Variants in SAMD5 observed in about 807,000 individuals in gnomAD.
SAMD5 encodes the protein sterile alpha motif domain containing 5.
SAMD5 carries 13 observed loss-of-function variants against 11.3 expected under a neutral mutation model. The ratio of observed to expected loss-of-function variants is 1.15; its 90% CI spans 0.75 to 1.83. The LOEUF (loss-of-function observed/expected upper bound fraction) is 1.83, where lower values mean the gene tolerates loss of function less well. Ranked by LOEUF, SAMD5 falls within the 40% of genes most tolerant of loss-of-function variation. The pLI, the probability that SAMD5 is intolerant of heterozygous loss-of-function variation, is 0.00. For synonymous variants in SAMD5, 129 were observed against 111.3 expected (o/e 1.16, Z -1.00); for missense variants, 255 against 239.1 (o/e 1.07, Z -0.44).
the SAMD5 span, among the ~76,000 whole-genome samples, chr6:147,772,716 A>G: frequency 6.6e-6 from 1 of 152,130 alleles, no homozygotes; most frequent in Non-Finnish European, 1.5e-5. Flanking sequence ...CTCTTCTTAC[A>G]TGGACACTAG....
At chr6:147,698,010 A>G (rs1046762156) in intron 1 of SAMD5, among the ~76,000 whole-genome samples, 1 of 152,194 alleles carries the variant, frequency 6.6e-6, no homozygotes, top group Non-Finnish European at 1.5e-5. Context: ...ATCTCAGATC[A>G]TCAGGCATTA....
downstream of SAMD5, among the ~76,000 whole-genome samples, chr6:147,573,487 G>C (rs1044048714): frequency 6.6e-6 from 1 of 152,158 alleles, no homozygotes; most frequent in Non-Finnish European, 1.5e-5. Flanking sequence ...CACCTCCCAT[G>C]AGGTCCCTCC....
intron 1 of SAMD5, among the ~76,000 whole-genome samples, chr6:147,702,230 G>T (rs113648384): frequency 1.3e-5 from 2 of 152,030 alleles, no homozygotes; most frequent in Non-Finnish European, 2.9e-5. Flanking sequence ...GGAAAGACCC[G>T]CCCCCATGAT....
At chr6:147,604,019 G>A (rs377323913) in intron 1 of SAMD5, among the ~76,000 whole-genome samples, 7 of 152,104 alleles carry the variant, frequency 4.6e-5, no homozygotes, top group African/African-American at 1.4e-4. Context: ...CATAGTGGTT[G>A]GATTAAAAAT....
rs779221803 is a variant in SAMD5, at chr6:147,564,405, T to TGGCA, written c.472_475dup (p.Ile159ArgfsTer49). On this transcript the variant is annotated frameshift_variant, in exon 2 of 2. Coordinates refer to ENST00000367474, the MANE Select transcript of SAMD5 (RefSeq NM_001030060.3). LOFTEE classifies it high-confidence loss of function. ...GTTCAAATCCACAGGTCCCAATGGC[T>TGGCA]GGCATCCTAGAGTACTTAATGAATT... 15 of 780,764 alleles carry TGGCA rather than the reference T, an allele frequency of 1.9e-5. No homozygotes were observed. Among genetic ancestry groups the TGGCA allele is most frequent in the Non-Finnish European group, 3.3e-5 (14 of 418,070 alleles). 48.4% of individuals were successfully genotyped at this position (780,764 alleles called of 1,614,324 possible).
intron 1 of SAMD5, among the ~76,000 whole-genome samples, chr6:147,644,458 TTCTC>T (rs1392864498): frequency 1.3e-5 from 2 of 152,352 alleles, no homozygotes; most frequent in East Asian, 1.9e-4. Flanking sequence ...TTAGTAATGT[TTCTC>T]TATATATTGA....
the SAMD5 span, among the ~76,000 whole-genome samples, chr6:147,838,469 G>A: frequency 6.0e-5 from 9 of 150,838 alleles, no homozygotes; most frequent in South Asian, 2.1e-4. Flanking sequence ...CAAGTGAAAC[G>A]TATCTATATA....
chr6:147,917,814 A>T, the SAMD5 span, among the ~76,000 whole-genome samples: 1 of 152,164 alleles, frequency 6.6e-6, no homozygotes, highest in Non-Finnish European at 1.5e-5. Context: ...TTAAATAGGG[A>T]ATCCTTTCCC....
the SAMD5 span, among the ~76,000 whole-genome samples, chr6:147,746,518 T>C: frequency 6.6e-6 from 1 of 152,230 alleles, no homozygotes; most frequent in African/African-American, 2.4e-5. Flanking sequence ...GAGAGTAATC[T>C]GTAGACTAGA....
chr6:147,703,663 T>C (rs1284421363), intron 1 of SAMD5, among the ~76,000 whole-genome samples: 1 of 152,158 alleles, frequency 6.6e-6, no homozygotes, highest in Non-Finnish European at 1.5e-5. Flanking sequence ...TTCTCTATGC[T>C]AGAGATGGCC....
Position 147,566,628 on chromosome 6 carries a change from G to A in SAMD5, c.*2172G>A, listed in dbSNP as rs539968. 980,377 of 981,218 alleles carry A rather than the reference G, an allele frequency of 1. 489,768 individuals are homozygous for A. The highest frequency in any genetic ancestry group is 1 in the East Asian group (8,796 of 8,796). 60.8% of individuals were successfully genotyped at this position (981,218 alleles called of 1,614,324 possible). ...ATATCTAACTTCAATTATTTTGCCA[G>A]GTTTAAACCTTCTCTCTGTGTCTGT... On this transcript the variant is annotated 3_prime_UTR_variant, in exon 2 of 2. Transcript: ENST00000367474.
chr6:147,738,476 T>G (rs116902142), downstream of SAMD5, among the ~76,000 whole-genome samples: 738 of 152,350 alleles, frequency 4.8e-3, 16 homozygotes, highest in East Asian at 0.074. Flanking sequence ...TTTCAAAGTA[T>G]GTTTCAAGGT....
At chr6:147,616,174 TTTATTCATATA>T (rs1562334267) in intron 1 of SAMD5, among the ~76,000 whole-genome samples, 10 of 110,700 alleles carry the variant, frequency 9.0e-5, no homozygotes, top group Admixed American at 2.6e-4. Context: ...TTCATATATA[TTTATTCATATA>T]TATTTCATAT....
chr6:147,657,197 T>C (rs1790583572), intron 1 of SAMD5, among the ~76,000 whole-genome samples: 1 of 152,038 alleles, frequency 6.6e-6, no homozygotes, highest in Non-Finnish European at 1.5e-5. Context: ...AAGGAAAAAT[T>C]AGAAAACATA....
intron 1 of SAMD5, among the ~76,000 whole-genome samples, chr6:147,510,941 C>T (rs927357826): frequency 7.9e-5 from 12 of 152,122 alleles, no homozygotes; most frequent in Admixed American, 1.3e-4. Context: ...GAGATCTGGT[C>T]ATCAGTATAA....
Position 147,566,532 on chromosome 6 carries a change from C to T in SAMD5, c.*2076C>T, listed in dbSNP as rs957020760. On this transcript the variant is annotated 3_prime_UTR_variant, in exon 2 of 2. Coordinates refer to ENST00000367474, the MANE Select transcript of SAMD5 (RefSeq NM_001030060.3). Reference sequence around the variant, plus strand: ...AAAATCTGTTATTTTCACTGTGGGCCTTATGAGGCAATCTACTGCAATGGA... The same window carrying T: ...AAAATCTGTTATTTTCACTGTGGGCTTTATGAGGCAATCTACTGCAATGGA... The T allele has an allele frequency of 2.0e-6, 2 of 985,230 alleles. No individual in the cohort carries two copies. Among genetic ancestry groups the T allele is most frequent in the African/African-American group, 3.5e-5 (2 of 57,192 alleles). 61.0% of individuals were successfully genotyped at this position (985,230 alleles called of 1,614,324 possible).
intron 1 of SAMD5, among the ~76,000 whole-genome samples, chr6:147,707,104 G>C (rs1320099794): frequency 2.0e-5 from 3 of 152,190 alleles, no homozygotes; most frequent in Admixed American, 2.0e-4. Flanking sequence ...AGTCATTAGA[G>C]AGGTGCTGTT....
chr6:147,610,771 A>G (rs551803780), intron 1 of SAMD5, among the ~76,000 whole-genome samples: 1 of 152,132 alleles, frequency 6.6e-6, no homozygotes. Context: ...AGGAGGTTTG[A>G]TCAGGATTTG....
chr6:147,640,307 A>G (rs1212656266), intron 1 of SAMD5, among the ~76,000 whole-genome samples: 2 of 150,368 alleles, frequency 1.3e-5, no homozygotes, highest in African/African-American at 4.9e-5. Flanking sequence ...CAGCCTGGTG[A>G]CAGAGTGAGA....
Sources: gnomAD v4.1 joint callset for allele counts (sites outside exome capture counted in the v4.1 genomes callset) on GRCh38, gnomAD v4.1.1 for gene constraint, MANE v1.5 for transcripts, NCBI Gene and HGNC (gene_info 2026-07-23, HGNC 2026-07-21) for gene names.